Variants in GUCY1A2 observed in about 807,000 individuals in gnomAD.
GUCY1A2 encodes guanylate cyclase 1 soluble subunit alpha 2, also known as guanylate cyclase soluble subunit alpha-2.
In GUCY1A2, 27 loss-of-function variants were observed where a neutral mutation model predicts 63.5. That is an observed-to-expected ratio of 0.43 (90% CI 0.31 to 0.59). The LOEUF (loss-of-function observed/expected upper bound fraction) is 0.59, where lower values mean the gene tolerates loss of function less well. Among genes scored for constraint, GUCY1A2 ranks in the 20% least tolerant of loss-of-function variants. GUCY1A2 has a pLI of 0.11. For missense variants in GUCY1A2, 768 were observed against 913.3 expected, an observed-to-expected ratio of 0.84 and a Z score of 2.05; for synonymous variants, 364 against 343.5, an observed-to-expected ratio of 1.06 and a Z score of -0.66.
chr11:106,733,335 T>A (rs1168434983), intron 6 of GUCY1A2, among the ~76,000 whole-genome samples: 2 of 152,180 alleles, frequency 1.3e-5, no homozygotes, highest in East Asian at 3.9e-4. Context: ...AGCCATTGTT[T>A]AGAGACTACG....
intron 3 of GUCY1A2, among the ~76,000 whole-genome samples, chr11:106,950,412 G>C (rs941202961): frequency 3.3e-5 from 5 of 152,202 alleles, no homozygotes; most frequent in African/African-American, 1.2e-4. Flanking sequence ...ACAAAGAGGA[G>C]CTGCAGGAGC....
intron 4 of GUCY1A2, among the ~76,000 whole-genome samples, chr11:106,831,316 A>T (rs1859047727): frequency 6.6e-6 from 1 of 152,000 alleles, no homozygotes; most frequent in African/African-American, 2.4e-5. Flanking sequence ...CGTGTAAAAA[A>T]CTCCTTGACA....
At chr11:106,901,566 C>CT (rs547868167) in intron 4 of GUCY1A2, among the ~76,000 whole-genome samples, 340 of 152,224 alleles carry the variant, frequency 2.2e-3, no homozygotes, top group Non-Finnish European at 3.4e-3. Flanking sequence ...CATATGTATA[C>CT]ATATGCCATG....
intron 3 of GUCY1A2, among the ~76,000 whole-genome samples, chr11:106,942,173 C>CT (rs958698051): frequency 6.6e-6 from 1 of 152,176 alleles, no homozygotes; most frequent in African/African-American, 2.4e-5. Context: ...TCAATACATA[C>CT]TGTTTTGTCC....
intron 5 of GUCY1A2, among the ~76,000 whole-genome samples, chr11:106,777,717 A>AT (rs35990397): frequency 0.45 from 66,450 of 146,938 alleles, 15,557 homozygotes; most frequent in Admixed American, 0.54. Flanking sequence ...CATTAGGAGA[A>AT]TATCTAATGT....
At chr11:106,815,946 A>C (rs1288467105) in intron 4 of GUCY1A2, among the ~76,000 whole-genome samples, 1 of 152,044 alleles carries the variant, frequency 6.6e-6, no homozygotes, top group Non-Finnish European at 1.5e-5. Flanking sequence ...GCCTCTGGAG[A>C]TAGCATGGTC....
At chr11:106,839,295 G>C (rs1458371254) in intron 4 of GUCY1A2, among the ~76,000 whole-genome samples, 1 of 151,806 alleles carries the variant, frequency 6.6e-6, no homozygotes, top group Non-Finnish European at 1.5e-5. Context: ...TAGATGTGTG[G>C]TATTATTTCT....
chr11:106,949,398 T>G (rs1404657303), intron 3 of GUCY1A2, among the ~76,000 whole-genome samples: 2 of 152,192 alleles, frequency 1.3e-5, no homozygotes, highest in Non-Finnish European at 2.9e-5. Flanking sequence ...CAACAATCTC[T>G]CTCTCATTTA....
chr11:106,876,619 C>T (rs1280354151), intron 4 of GUCY1A2, among the ~76,000 whole-genome samples: 1 of 152,040 alleles, frequency 6.6e-6, no homozygotes, highest in Non-Finnish European at 1.5e-5. Flanking sequence ...TCTTTAAAAA[C>T]TTGGAATGTT....
intron 7 of GUCY1A2, among the ~76,000 whole-genome samples, chr11:106,698,138 T>TTTTTTTTTTTTTTTTTTTTTTA (rs1555020237): frequency 2.1e-5 from 3 of 145,756 alleles, no homozygotes; most frequent in Non-Finnish European, 4.5e-5. Context: ...TTTTTTTTTT[T>TTTTTTTTTTTTTTTTTTTTTTA]AGACAGGGTC....
chr11:106,870,118 G>C lies in GUCY1A2; in HGVS notation c.1207-59640C>G, dbSNP rs545209687. On this transcript the variant is annotated intron_variant, in intron 4 of 7. Transcript: ENST00000526355. Reference sequence around the variant, plus strand: ...CAGGGCCTCTTGTGAGGGGGGGGGAGGGGGGAGGGATAGCATTAGGAGATA... The same window carrying C: ...CAGGGCCTCTTGTGAGGGGGGGGGACGGGGGAGGGATAGCATTAGGAGATA... Among the ~76,000 whole-genome samples the C allele has an allele frequency of 4.5e-3, 526 of 116,882 alleles. 10 individuals carry two copies. The highest frequency in any genetic ancestry group is 0.016 in the African/African-American group (496 of 31,000). 76.7% of individuals were successfully genotyped at this position (116,882 alleles called of 152,430 possible). A position where few individuals can be genotyped will look rare whatever the true frequency, so the allele number is the denominator to read the frequency against.
At chr11:106,797,583 T>A (rs931683706) in intron 5 of GUCY1A2, among the ~76,000 whole-genome samples, 1 of 152,112 alleles carries the variant, frequency 6.6e-6, no homozygotes, top group Non-Finnish European at 1.5e-5. Flanking sequence ...GACCACAGTG[T>A]AATCAAACTA....
chr11:106,677,551 A>C lies in GUCY1A2; in HGVS notation c.*9998T>G, dbSNP rs78416380. The C allele has an allele frequency of 0.034, 7,094 of 210,240 alleles. 174 individuals carry two copies. The highest frequency in any genetic ancestry group is 0.079 in the South Asian group (421 of 5,314). 13.0% of individuals were successfully genotyped at this position (210,240 alleles called of 1,614,324 possible). A position where few individuals can be genotyped will look rare whatever the true frequency, so the allele number is the denominator to read the frequency against. Reference sequence around the variant, plus strand: ...GTGACAAGTTATTTTTGTCCCTTTAAATATTCACTCTAATTAGCATATTTA... The same window carrying C: ...GTGACAAGTTATTTTTGTCCCTTTACATATTCACTCTAATTAGCATATTTA... On this transcript the variant is annotated 3_prime_UTR_variant, in exon 8 of 8. Coordinates refer to ENST00000526355, the MANE Select transcript of GUCY1A2 (RefSeq NM_000855.3).
intron 6 of GUCY1A2, among the ~76,000 whole-genome samples, chr11:106,748,498 C>G (rs1198030755): frequency 6.6e-6 from 1 of 152,200 alleles, no homozygotes; most frequent in African/African-American, 2.4e-5. Flanking sequence ...CCTCATTTTT[C>G]AGCCCTTCTG....
chr11:107,015,561 CAAAAAAAAAAAAAA>C (rs568139219), intron 1 of GUCY1A2, among the ~76,000 whole-genome samples: 29 of 27,480 alleles, frequency 1.1e-3, no homozygotes, highest in South Asian at 2.9e-3. Flanking sequence ...TTCTCTTAGG[CAAAAAAAAAAAAAA>C]AAAAAAAAAA....
chr11:106,934,093 TGAA>T (rs1183653815), intron 4 of GUCY1A2, among the ~76,000 whole-genome samples: 1 of 152,106 alleles, frequency 6.6e-6, no homozygotes, highest in African/African-American at 2.4e-5. Flanking sequence ...TGAATCTAGA[TGAA>T]GTTCAAATTA....
chr11:106,733,979 T>C (rs2135373610), intron 6 of GUCY1A2, among the ~76,000 whole-genome samples: 1 of 152,280 alleles, frequency 6.6e-6, no homozygotes, highest in South Asian at 2.1e-4. Flanking sequence ...AGGCTATAAC[T>C]GGTTAGTCAC....
rs571486767 is a variant in GUCY1A2, at chr11:106,801,855, C to T, written c.1692+8138G>A. Among the ~76,000 whole-genome samples, 21 of 152,152 alleles carry T rather than the reference C, an allele frequency of 1.4e-4. No homozygotes were observed. The South Asian group carries it at 4.4e-3, about 32-fold the overall frequency. The stretch of plus-strand genomic sequence containing the variant: ...CATAAATACATACTCCTACTATGTA[C>T]CCACAAAAATTGAAATAAAAATTTA... On this transcript the variant is annotated intron_variant, in intron 5 of 7. Transcript: ENST00000526355.
At chr11:107,010,870 C>T (rs1031893861) in intron 1 of GUCY1A2, among the ~76,000 whole-genome samples, 1 of 151,872 alleles carries the variant, frequency 6.6e-6, no homozygotes. Context: ...AGCGGGATTA[C>T]AGGCGCCCAC....
Sources: allele counts gnomAD v4.1 joint callset (sites outside exome capture counted in the v4.1 genomes callset), GRCh38; gene constraint gnomAD v4.1.1; transcripts MANE v1.5; gene names NCBI Gene and HGNC (gene_info 2026-07-23, HGNC 2026-07-21).